The following PAX5 variants were observed in gnomAD, a reference collection of about 807,000 sequenced individuals.
The protein encoded by PAX5 is paired box protein Pax-5.
In PAX5, 9 loss-of-function variants were observed where a neutral mutation model predicts 43.7. The observed-to-expected ratio is 0.21, with a 90% CI of 0.12 to 0.36. The LOEUF (loss-of-function observed/expected upper bound fraction) is 0.36. PAX5 is among the 10% of genes least tolerant of loss of function. PAX5 has a pLI of 1.00. For missense variants in PAX5, 383 were observed against 532.7 expected (o/e 0.72, Z 2.77); for synonymous variants, 228 against 214.3 (o/e 1.06, Z -0.56).
intron 6 of PAX5, among the ~76,000 whole-genome samples, chr9:36,946,677 A>G (rs761979592): frequency 1.3e-5 from 2 of 152,210 alleles, no homozygotes; most frequent in Non-Finnish European, 2.9e-5. Context: ...AGGGAAAACT[A>G]CGTGCTAGAG....
intron 6 of PAX5, among the ~76,000 whole-genome samples, chr9:36,953,273 CTCTTTG>C (rs1833163584): frequency 6.6e-6 from 1 of 152,028 alleles, no homozygotes; most frequent in South Asian, 2.1e-4. Context: ...TCAAGATTTT[CTCTTTG>C]TCTTTGATAT....
intron 1 of PAX5, among the ~76,000 whole-genome samples, chr9:37,025,389 C>A (rs1168518746): frequency 7.0e-6 from 1 of 143,546 alleles, no homozygotes; most frequent in African/African-American, 2.5e-5. Flanking sequence ...AGGGGACCTG[C>A]GGCTAGGAAA....
chr9:36,940,634 A>G (rs1831972685), intron 6 of PAX5, among the ~76,000 whole-genome samples: 3 of 152,108 alleles, frequency 2.0e-5, no homozygotes, highest in East Asian at 2.0e-4. Context: ...AGAAGTGGAC[A>G]CCAGGATGTG....
intron 3 of PAX5, among the ~76,000 whole-genome samples, chr9:37,013,926 A>G (rs1425160109): frequency 2.0e-5 from 3 of 152,210 alleles, no homozygotes; most frequent in Non-Finnish European, 4.4e-5. Flanking sequence ...CTATCAGGAC[A>G]AGAGGCTCTC....
intron 8 of PAX5, among the ~76,000 whole-genome samples, chr9:36,851,585 T>C (rs1823165277): frequency 6.6e-6 from 1 of 152,110 alleles, no homozygotes; most frequent in Admixed American, 6.5e-5. Flanking sequence ...AAGGAGAACA[T>C]AGGATTTTCC....
chr9:36,867,980 C>T (rs373335561), intron 8 of PAX5, among the ~76,000 whole-genome samples: 5 of 152,282 alleles, frequency 3.3e-5, no homozygotes, highest in South Asian at 2.1e-4. Flanking sequence ...TGTCACCCCG[C>T]GTTCCCGGCC....
chr9:36,865,102 A>T (rs1824736462), intron 8 of PAX5, among the ~76,000 whole-genome samples: 1 of 152,200 alleles, frequency 6.6e-6, no homozygotes, highest in African/African-American at 2.4e-5. Context: ...GCAGGCAGCC[A>T]TTCAGGGCAG....
chr9:36,973,591 G>T (rs763295001), intron 5 of PAX5, among the ~76,000 whole-genome samples: 5 of 152,200 alleles, frequency 3.3e-5, no homozygotes, highest in Admixed American at 2.0e-4. Flanking sequence ...TTCAGGCTGA[G>T]AGCAGTGGTT....
chr9:36,850,858 G>A (rs907233320), intron 8 of PAX5, among the ~76,000 whole-genome samples: 1 of 152,144 alleles, frequency 6.6e-6, no homozygotes, highest in African/African-American at 2.4e-5. Context: ...TTCTCCATCG[G>A]CATTCCCCCA....
At chr9:37,001,236 G>A (rs541669790) in intron 5 of PAX5, among the ~76,000 whole-genome samples, 1 of 152,308 alleles carries the variant, frequency 6.6e-6, no homozygotes, top group Admixed American at 6.5e-5. Flanking sequence ...CTGTTTGGTG[G>A]TAAACATCAA....
chr9:37,001,474 T>A (rs1329572), intron 5 of PAX5, among the ~76,000 whole-genome samples: 52,772 of 152,160 alleles, frequency 0.35, 10,060 homozygotes, highest in Admixed American at 0.48. Flanking sequence ...CGCAGCCTAC[T>A]GAGTTAAAGA....
chr9:36,879,557 TGGG>T (rs1826219288), intron 8 of PAX5, among the ~76,000 whole-genome samples: 1 of 152,062 alleles, frequency 6.6e-6, no homozygotes, highest in Admixed American at 6.5e-5. Flanking sequence ...TCCCTGGGTG[TGGG>T]GAGTGCTGGG....
chr9:36,842,971 C>T (rs951537315), intron 9 of PAX5, among the ~76,000 whole-genome samples: 4 of 152,030 alleles, frequency 2.6e-5, no homozygotes, highest in South Asian at 2.1e-4. Context: ...GCAGCACATG[C>T]GAGGGTGTGT....
chr9:37,033,904 C>G, intron 1 of PAX5, 82 bp downstream of exon 1: 1 of 1,308,884 alleles, frequency 7.6e-7, no homozygotes, highest in Non-Finnish European at 1.1e-6. Flanking sequence ...GCCCCCTCCT[C>G]CTCCAGGGTC....
chr9:36,845,220 G>A (rs1430079520), intron 9 of PAX5, among the ~76,000 whole-genome samples: 1 of 152,156 alleles, frequency 6.6e-6, no homozygotes. Flanking sequence ...CAGCAGGACT[G>A]GGATCAGGCC....
chr9:36,908,198 C>CA (rs35684707), intron 7 of PAX5, among the ~76,000 whole-genome samples: 17,949 of 112,950 alleles, frequency 0.16, 1,151 homozygotes, highest in Middle Eastern at 0.23. Context: ...GACCCTGTTT[C>CA]AAAAAAAAAA....
At chr9:37,012,697 TTAAA>T (rs1839050364) in intron 3 of PAX5, among the ~76,000 whole-genome samples, 4 of 152,378 alleles carry the variant, frequency 2.6e-5, no homozygotes, top group Admixed American at 1.3e-4. Flanking sequence ...CAATTTTGAC[TTAAA>T]TAAATTTATT....
chr9:37,013,986 C>T (rs752485918), intron 3 of PAX5, among the ~76,000 whole-genome samples: 1 of 152,132 alleles, frequency 6.6e-6, no homozygotes, highest in Non-Finnish European at 1.5e-5. Flanking sequence ...GGGTCTCCTA[C>T]GCCCACACAA....
intron 6 of PAX5, among the ~76,000 whole-genome samples, chr9:36,925,223 C>CA (rs1830555885): frequency 6.6e-6 from 1 of 152,102 alleles, no homozygotes; most frequent in South Asian, 2.1e-4. Flanking sequence ...TGCTGCAGGC[C>CA]CAGGCTCTAG....
Sources: gnomAD v4.1 joint callset for allele counts (sites outside exome capture counted in the v4.1 genomes callset) on GRCh38, gnomAD v4.1.1 for gene constraint, MANE v1.5 for transcripts, NCBI Gene and HGNC (gene_info 2026-07-23, HGNC 2026-07-21) for gene names.